Variants in BATF2 observed in about 807,000 individuals in gnomAD.
The protein encoded by BATF2 is basic leucine zipper transcriptional factor ATF-like 2.
BATF2 carries 4 observed loss-of-function variants against 7.3 expected under a neutral mutation model. The observed-to-expected ratio is 0.55, with a 90% CI of 0.27 to 1.26. BATF2 has a LOEUF of 1.26. Ranked by LOEUF, BATF2 falls within the 50% of genes most tolerant of loss-of-function variation. The pLI, the probability that BATF2 is intolerant of heterozygous loss-of-function variation, is 0.11. For missense variants in BATF2, 295 were observed against 340.5 expected, an observed-to-expected ratio of 0.87 and a Z score of 1.05; for synonymous variants, 152 against 153.9, an observed-to-expected ratio of 0.99 and a Z score of 0.09.
chr11:64,990,844 G>A (rs973481795), intron 2 of BATF2, among the ~76,000 whole-genome samples: 3 of 152,106 alleles, frequency 2.0e-5, no homozygotes, highest in Admixed American at 1.3e-4. Context: ...AGGCTGGAGT[G>A]CAGTGGCTCG....
chr11:64,991,857 G>C (rs181672178), intron 2 of BATF2, among the ~76,000 whole-genome samples: 2 of 152,248 alleles, frequency 1.3e-5, no homozygotes, highest in East Asian at 3.9e-4. Flanking sequence ...CGGATGCGTG[G>C]GTCTCCTAGG....
rs1946036352 is a variant in BATF2 at position 64,987,996 on chromosome 11, C to T, written c.*1133G>A. 1.3e-5 allele frequency: 2 copies of T among 152,202 alleles called. No homozygotes were observed. The highest frequency in any genetic ancestry group is 4.8e-5 in the African/African-American group (2 of 41,454). 9.4% of individuals were successfully genotyped at this position (152,202 alleles called of 1,614,324 possible). A position where few individuals can be genotyped will look rare whatever the true frequency, so the allele number is the denominator to read the frequency against. ...TCACATATGTGCCAAGACTTGTGTTCTGTATCCAGGAGTGTGTTAGATACT... is the reference window on the plus strand; with the variant it reads ...TCACATATGTGCCAAGACTTGTGTTTTGTATCCAGGAGTGTGTTAGATACT... On this transcript the variant is annotated 3_prime_UTR_variant, in exon 3 of 3. Coordinates refer to ENST00000301887, the MANE Select transcript of BATF2 (RefSeq NM_138456.4).
At chr11:64,992,252 G>T (rs1013857248) in intron 2 of BATF2, among the ~76,000 whole-genome samples, 1 of 152,006 alleles carries the variant, frequency 6.6e-6, no homozygotes, top group Non-Finnish European at 1.5e-5. Context: ...TTTTAGTAGA[G>T]ATGGGGTTTT....
At chr11:64,990,135 G>T in intron 2 of BATF2, 3 of 1,535,694 alleles carry the variant, frequency 2.0e-6, no homozygotes, top group Non-Finnish European at 2.6e-6. Context: ...CTTGCCCACA[G>T]GAGCCATTCA....
chr11:64,989,861 G>A lies in BATF2; in HGVS notation c.142-49C>T. On this transcript the variant is annotated intron_variant, in intron 2 of 2. Coordinates refer to ENST00000301887, the MANE Select transcript of BATF2 (RefSeq NM_138456.4). The surrounding 1 kb of genome is among the most constrained non-coding windows in gnomAD (Gnocchi z 4.3). ...GAGGGGAACCTCAGCCAGTGTCAGG[G>A]GCCCCGCATGAGCCTTAGCCCCTTC... is the stretch of plus-strand genomic sequence containing the variant. The A allele has an allele frequency of 6.3e-7, 1 of 1,599,300 alleles. No homozygotes were observed. Among genetic ancestry groups the A allele is most frequent in the Non-Finnish European group, 8.5e-7 (1 of 1,171,144 alleles).
Sources: gnomAD v4.1 joint callset for allele counts (sites outside exome capture counted in the v4.1 genomes callset) on GRCh38, gnomAD v4.1.1 for gene constraint, Gnocchi (gnomAD v3.1) non-coding constraint, MANE v1.5 for transcripts, NCBI Gene and HGNC (gene_info 2026-07-23, HGNC 2026-07-21) for gene names.